CARHSP1: variants seen among roughly 807,000 people sequenced by gnomAD.
The protein encoded by CARHSP1 is calcium-regulated heat-stable protein 1.
Under a neutral mutation model 12.5 loss-of-function variants are expected in CARHSP1, and 14 were observed. The ratio of observed to expected loss-of-function variants is 1.12; its 90% confidence interval spans 0.74 to 1.75. The LOEUF (loss-of-function observed/expected upper bound fraction) is 1.75. Among genes scored for constraint, CARHSP1 ranks in the 40% most tolerant of loss-of-function variants. The pLI, the probability that CARHSP1 is intolerant of heterozygous loss-of-function variation, is 0.00. For missense variants in CARHSP1, 343 were observed against 201.6 expected (o/e 1.70, Z -4.25); for synonymous variants, 161 against 82.0 (o/e 1.96, Z -5.20).
intron 1 of CARHSP1, chr16:8,860,465 T>C: frequency 9.1e-6 from 9 of 985,276 alleles, no homozygotes; most frequent in Non-Finnish European, 1.1e-5. Flanking sequence ...AATATGAAGG[T>C]GTCGGCTCTA....
intron 2 of CARHSP1, 177 bp downstream of exon 2, chr16:8,858,994 A>T: frequency 1.8e-6 from 1 of 558,312 alleles, no homozygotes; most frequent in Non-Finnish European, 3.1e-6. Flanking sequence ...GCTGGGCAGT[A>T]CCCTGAATTT....
intron 1 of CARHSP1, 32 bp from the exon 2 acceptor site, chr16:8,859,367 G>GC: frequency 6.3e-7 from 1 of 1,578,866 alleles, no homozygotes; most frequent in South Asian, 1.1e-5. Context: ...AGGGGCTCGT[G>GC]CCTTGCAAGG....
At chr16:8,859,694 G>C (rs149397519) in intron 1 of CARHSP1, 197 of 174,562 alleles carry the variant, frequency 1.1e-3, no homozygotes, top group African/African-American at 4.3e-3. Flanking sequence ...CCCAAAGCCA[G>C]GGGCCGGGCG....
Position 8,861,989 on chromosome 16 carries a change from C to CTTTTT in CARHSP1, c.-7-2659_-7-2655dup, listed in dbSNP as rs537614451. Among the ~76,000 whole-genome samples, 232 of 79,770 alleles carry CTTTTT rather than the reference C, an allele frequency of 2.9e-3. 9 individuals are homozygous for CTTTTT. Among genetic ancestry groups the CTTTTT allele is most frequent in the African/African-American group, 5.8e-3 (146 of 24,986 alleles). 52.3% of individuals were successfully genotyped at this position (79,770 alleles called of 152,430 possible). A position where few individuals can be genotyped will look rare whatever the true frequency, so the allele number is the denominator to read the frequency against. On this transcript the variant is annotated intron_variant, in intron 1 of 3. Transcript: ENST00000311052. Reference sequence around the variant, plus strand: ...TTCTCCTGGAGTCAAGCATAGCTGACTTTTTTTTTTTTTTTTTTTTTTTTT... The same window carrying CTTTTT: ...TTCTCCTGGAGTCAAGCATAGCTGACTTTTTTTTTTTTTTTTTTTTTTTTTTTTTT...
chr16:8,861,844 C>A (rs1207199480), intron 1 of CARHSP1: 5 of 1,192,186 alleles, frequency 4.2e-6, no homozygotes, highest in South Asian at 1.5e-5. Flanking sequence ...AAGAGGCTGG[C>A]CCTGGGAGGG....
chr16:8,860,625 G>A (rs1339883972), intron 1 of CARHSP1: 1 of 435,898 alleles, frequency 2.3e-6, no homozygotes, highest in African/African-American at 2.2e-5. Flanking sequence ...CGCAGGGCTG[G>A]TGATGGGGGT....
chr16:8,858,782 T>G, intron 2 of CARHSP1: 1 of 435,180 alleles, frequency 2.3e-6, no homozygotes, highest in Non-Finnish European at 4.1e-6. Context: ...AACACAAGCA[T>G]CCTCCACTCG....
At chr16:8,867,777 G>A (rs1340183389) in intron 1 of CARHSP1, 11 of 152,400 alleles carry the variant, frequency 7.2e-5, no homozygotes, top group African/African-American at 2.7e-4. Flanking sequence ...GAGCCCAGAG[G>A]AGGGCCAAAG....
chr16:8,855,123 G>T lies in CARHSP1; in HGVS notation c.*41C>A. 2.8e-6 allele frequency: 4 copies of T among 1,452,852 alleles called. No individual in the cohort carries two copies. Among genetic ancestry groups the T allele is most frequent in the Non-Finnish European group, 3.7e-6 (4 of 1,088,406 alleles). 90.0% of individuals were successfully genotyped at this position (1,452,852 alleles called of 1,614,324 possible). A position where few individuals can be genotyped will look rare whatever the true frequency, so the allele number is the denominator to read the frequency against. On this transcript the variant is annotated 3_prime_UTR_variant, in exon 4 of 4. Transcript: ENST00000311052. ...GTGTCTGCTGCCTCCTCCCTGCAAA[G>T]TCTCCCACAAGCACAGGACAAGGGG...
chr16:8,859,271 G>A lies in CARHSP1; in HGVS notation c.58C>T (p.Leu20=), dbSNP rs761033334. The change falls in exon 2 of 4, where the codon CTG becomes TTG. Residue 20 remains leucine (L), a synonymous_variant. Coordinates refer to ENST00000311052, the MANE Select transcript of CARHSP1 (RefSeq NM_014316.4). The part of the protein sequence containing the change: ...QPPTHQASVG[L]LDTPRSRERS... ...TCACGGCTCCGAGGGGTGTCCAGCA[G>A]CCCGACTGAAGCTTGATGGGTGGGG... 2 of 1,602,822 alleles carry A rather than the reference G, an allele frequency of 1.2e-6. No homozygotes were observed. The highest frequency in any genetic ancestry group is 2.2e-5 in the East Asian group (1 of 44,608).
intron 1 of CARHSP1, chr16:8,860,209 G>A (rs545361698): frequency 3.1e-6 from 3 of 983,466 alleles, no homozygotes; most frequent in South Asian, 4.7e-5. Flanking sequence ...ACCCAGGACT[G>A]GGGGGCCTGC....
intron 3 of CARHSP1, 45 bp downstream of exon 3, chr16:8,858,305 A>G (rs2061217262): frequency 1.9e-6 from 3 of 1,600,808 alleles, no homozygotes; most frequent in South Asian, 2.2e-5. Flanking sequence ...AGGGCCAAGG[A>G]AGCGCCCACC....
chr16:8,862,649 G>A (rs1054194779), intron 1 of CARHSP1, among the ~76,000 whole-genome samples: 4 of 152,164 alleles, frequency 2.6e-5, no homozygotes, highest in South Asian at 2.1e-4. Flanking sequence ...TTTGCAAAAC[G>A]GAGGGAGGCT....
intron 1 of CARHSP1, chr16:8,860,058 C>A (rs373228714): frequency 2.5e-6 from 2 of 815,268 alleles, no homozygotes; most frequent in African/African-American, 1.8e-5. Context: ...CCCTCCCTGA[C>A]GCTGCTGGGA....
At position 8,857,235 on chromosome 16, in the gene CARHSP1, T is replaced by C. The variant is rs538964638; in HGVS notation, c.281+1115A>G. 6.0e-5 allele frequency among the ~76,000 whole-genome samples: 9 copies of C among 148,914 alleles called. No homozygotes were observed. The South Asian group carries it at 1.7e-3, about 28-fold the overall frequency. On this transcript the variant is annotated intron_variant, in intron 3 of 3. Transcript: ENST00000311052. ...CACCCCCAGATCCATTTCCATCACT[T>C]TCTGGCTATGTGATCTTGGGCAGAT...
chr16:8,861,674 C>A (rs149237958), intron 1 of CARHSP1: 1 of 1,289,098 alleles, frequency 7.8e-7, no homozygotes, highest in South Asian at 1.2e-5. Flanking sequence ...ACCTCCTGTC[C>A]CTTCTCTCAG....
At chr16:8,859,421 G>T (rs563853350) in intron 1 of CARHSP1, 86 bp from the exon 2 acceptor site, 1 of 1,221,246 alleles carries the variant, frequency 8.2e-7, no homozygotes, top group Non-Finnish European at 1.1e-6. Context: ...TGACAGTCCA[G>T]TATCTGAGGC....
chr16:8,863,402 C>T (rs1454490257), intron 1 of CARHSP1, among the ~76,000 whole-genome samples: 1 of 152,200 alleles, frequency 6.6e-6, no homozygotes, highest in Non-Finnish European at 1.5e-5. Flanking sequence ...CGTGAGCCAC[C>T]ACACCCAGCT....
At chr16:8,857,272 T>TTTTGTTTTTTGTTTTTTTTTG (rs1567181151) in intron 3 of CARHSP1, among the ~76,000 whole-genome samples, 1 of 29,336 alleles carries the variant, frequency 3.4e-5, no homozygotes, top group Non-Finnish European at 7.2e-5. Context: ...TGTTTTTTTT[T>TTTTGTTTTTTGTTTTTTTTTG]TTTTTTTTTT....
Sources: gnomAD v4.1 joint callset for allele counts (sites outside exome capture counted in the v4.1 genomes callset) on GRCh38, gnomAD v4.1.1 for gene constraint, MANE v1.5 for transcripts, NCBI Gene and HGNC (gene_info 2026-07-23, HGNC 2026-07-21) for gene names.